The following COP1 variants were observed in gnomAD, a reference collection of about 807,000 sequenced individuals.
COP1 encodes the protein COP1 E3 ubiquitin ligase.
Under a neutral mutation model 101.3 loss-of-function variants are expected in COP1, and 24 were observed. That is an observed-to-expected ratio of 0.24 (90% CI 0.17 to 0.33). The LOEUF is 0.33. Ranked by LOEUF, COP1 falls within the 10% of genes least tolerant of loss-of-function variation. The pLI, the probability that COP1 is intolerant of heterozygous loss-of-function variation, is 1.00. For missense variants in COP1, 663 were observed against 906.2 expected, an observed-to-expected ratio of 0.73 and a Z score of 3.45; for synonymous variants, 347 against 341.9, an observed-to-expected ratio of 1.01 and a Z score of -0.17.
intron 18 of COP1, among the ~76,000 whole-genome samples, chr1:175,955,988 C>G (rs1650603560): frequency 6.6e-6 from 1 of 151,634 alleles, no homozygotes; most frequent in Admixed American, 6.6e-5. Context: ...TAGAAACTGG[C>G]AAAGTGATTC....
At chr1:175,979,662 G>A (rs1345899773) in intron 18 of COP1, among the ~76,000 whole-genome samples, 1 of 152,070 alleles carries the variant, frequency 6.6e-6, no homozygotes, top group Non-Finnish European at 1.5e-5. Context: ...TAGACAAAAT[G>A]GGCTGGAGAT....
At chr1:176,197,193 T>TA (rs1047978020) in intron 1 of COP1, among the ~76,000 whole-genome samples, 10 of 152,244 alleles carry the variant, frequency 6.6e-5, no homozygotes, top group Admixed American at 2.0e-4. Flanking sequence ...GTGACAAAGC[T>TA]ATGACACAAC....
chr1:176,043,814 T>A lies in COP1; in HGVS notation c.1426A>T (p.Ile476Phe). 1 of 1,559,750 alleles carries A rather than the reference T, an allele frequency of 6.4e-7. No individual in the cohort carries two copies. Reference protein sequence around the residue: ...EMTCNSKISCISWSSYHKNLL... With the variant: ...EMTCNSKISCFSWSSYHKNLL... The stretch of plus-strand genomic sequence containing the variant: ...TTCTTATGGTAACTACTCCAACTGA[T>A]ACAGCTGAAAGAAATACAGTTAAAA... The change falls in exon 13 of 20, where the codon ATC (isoleucine) becomes TTC (phenylalanine). Residue 476 changes from isoleucine (I) to phenylalanine (F), a missense_variant. Coordinates refer to ENST00000367669, the MANE Select transcript of COP1 (RefSeq NM_022457.7).
At chr1:176,073,443 C>T (rs1019055339) in intron 11 of COP1, among the ~76,000 whole-genome samples, 2 of 152,044 alleles carry the variant, frequency 1.3e-5, no homozygotes, top group Non-Finnish European at 2.9e-5. Flanking sequence ...AATTCAAACT[C>T]GGAATTCAAA....
chr1:176,031,571 T>G (rs1668657214), intron 14 of COP1, among the ~76,000 whole-genome samples: 1 of 152,142 alleles, frequency 6.6e-6, no homozygotes, highest in African/African-American at 2.4e-5. Context: ...AGCAATTAAA[T>G]CAAATAAAAT....
chr1:176,189,506 A>G (rs1473130270), intron 1 of COP1, among the ~76,000 whole-genome samples: 1 of 152,056 alleles, frequency 6.6e-6, no homozygotes, highest in Non-Finnish European at 1.5e-5. Context: ...ATCTTTCAAA[A>G]TGAAAGCAAA....
At chr1:175,973,078 C>T (rs778308073) in intron 18 of COP1, among the ~76,000 whole-genome samples, 10 of 152,148 alleles carry the variant, frequency 6.6e-5, no homozygotes, top group Non-Finnish European at 1.5e-4. Context: ...GGGATCTGCC[C>T]GCCTCAGCCT....
intron 11 of COP1, among the ~76,000 whole-genome samples, chr1:176,048,195 C>CTTT (rs10680105): frequency 0.012 from 1,567 of 126,582 alleles, 58 homozygotes; most frequent in South Asian, 0.023. Flanking sequence ...AATTAAAATT[C>CTTT]TTTTTTTTTT....
intron 9 of COP1, among the ~76,000 whole-genome samples, chr1:176,105,523 ATAAG>A (rs1684161032): frequency 6.6e-6 from 1 of 152,176 alleles, no homozygotes. Context: ...GACCATGCAA[ATAAG>A]TAAGTGTATT....
chr1:176,070,837 G>A (rs1676872634), intron 11 of COP1, among the ~76,000 whole-genome samples: 1 of 151,944 alleles, frequency 6.6e-6, no homozygotes, highest in Admixed American at 6.6e-5. Flanking sequence ...TATTTTTGTA[G>A]AAATGAGGTC....
At chr1:176,054,159 T>C (rs971246119) in intron 11 of COP1, among the ~76,000 whole-genome samples, 6 of 90,348 alleles carry the variant, frequency 6.6e-5, no homozygotes, top group Admixed American at 2.0e-4. Flanking sequence ...CAGCAAATTA[T>C]TCTTTTTTTT....
At chr1:176,002,533 A>G (rs6688898) in intron 15 of COP1, among the ~76,000 whole-genome samples, 54,163 of 126,950 alleles carry the variant, frequency 0.43, 10,992 homozygotes, top group Middle Eastern at 0.5. Flanking sequence ...CAGTCCCCAG[A>G]GCGTGATATT....
At chr1:176,126,653 C>A (rs1264946814) in intron 8 of COP1, among the ~76,000 whole-genome samples, 1 of 152,050 alleles carries the variant, frequency 6.6e-6, no homozygotes, top group East Asian at 1.9e-4. Flanking sequence ...GAGGTTTCAC[C>A]ATGTTGGCCA....
rs80236800 is a variant in COP1, at chr1:176,099,867, A to G, written c.1027-13977T>C. On this transcript the variant is annotated intron_variant, in intron 9 of 19. Coordinates refer to ENST00000367669, the MANE Select transcript of COP1 (RefSeq NM_022457.7). Reference sequence around the variant, plus strand: ...CAAGTTTATTTTGAGACGTTAAGAGAGCAGGATCACCCAACTCACAGGCAT... The same window carrying G: ...CAAGTTTATTTTGAGACGTTAAGAGGGCAGGATCACCCAACTCACAGGCAT... 9.3e-3 allele frequency among the ~76,000 whole-genome samples: 1,410 copies of G among 152,194 alleles called. 24 individuals are homozygous for G. The highest frequency in any genetic ancestry group is 0.032 in the African/African-American group (1,341 of 41,486).
intron 13 of COP1, 21 bp downstream of exon 13, chr1:176,043,689 G>A (rs752134478): frequency 2.0e-5 from 26 of 1,281,252 alleles, no homozygotes; most frequent in Middle Eastern, 3.7e-4. Context: ...CATATAACAT[G>A]TAACTAGTAC....
chr1:175,956,991 A>G (rs1650734080), intron 18 of COP1, among the ~76,000 whole-genome samples: 1 of 152,200 alleles, frequency 6.6e-6, no homozygotes, highest in African/African-American at 2.4e-5. Flanking sequence ...AAATGGAAGA[A>G]AGCTTACAGA....
chr1:176,002,906 G>C (rs1662096749), intron 15 of COP1, among the ~76,000 whole-genome samples: 1 of 150,904 alleles, frequency 6.6e-6, no homozygotes, highest in Middle Eastern at 3.2e-3. Context: ...GGTATTTCTA[G>C]TTCTAGATCC....
At chr1:176,055,427 C>T (rs1673296094) in intron 11 of COP1, among the ~76,000 whole-genome samples, 1 of 152,184 alleles carries the variant, frequency 6.6e-6, no homozygotes, top group African/African-American at 2.4e-5. Flanking sequence ...AAAAGTGAAA[C>T]TCCATCTCAA....
At chr1:176,175,248 A>G (rs1558260844) in intron 3 of COP1, among the ~76,000 whole-genome samples, 1 of 152,168 alleles carries the variant, frequency 6.6e-6, no homozygotes, top group African/African-American at 2.4e-5. Context: ...AAGCAGAAAC[A>G]GTAGGGATGT....
Sources: gnomAD v4.1 joint callset for allele counts (sites outside exome capture counted in the v4.1 genomes callset) on GRCh38, gnomAD v4.1.1 for gene constraint, MANE v1.5 for transcripts, NCBI Gene and HGNC (gene_info 2026-07-23, HGNC 2026-07-21) for gene names.